Variants in CPEB3 observed in about 807,000 individuals in gnomAD.
The protein encoded by CPEB3 is cytoplasmic polyadenylation element-binding protein 3.
A neutral mutation model predicts 67.2 loss-of-function variants in CPEB3; 20 were observed. That is an observed-to-expected ratio of 0.30 (90% CI 0.21 to 0.43). The LOEUF (loss-of-function observed/expected upper bound fraction) is 0.43. Among genes scored for constraint, CPEB3 ranks in the 20% least tolerant of loss-of-function variants. CPEB3 has a pLI of 1.00. For missense variants in CPEB3, 746 were observed against 968.6 expected, an observed-to-expected ratio of 0.77 and a Z score of 3.05; for synonymous variants, 376 against 393.1, an observed-to-expected ratio of 0.96 and a Z score of 0.51.
intron 4 of CPEB3, among the ~76,000 whole-genome samples, chr10:92,150,256 CTTT>C (rs1191378027): frequency 6.9e-6 from 1 of 144,270 alleles, no homozygotes; most frequent in Non-Finnish European, 1.5e-5. Flanking sequence ...CTCTCTCTCT[CTTT>C]TTTTTTTTTT....
chr10:92,289,732 A>AATATATATATATAT (rs71025390), intron 1 of CPEB3, among the ~76,000 whole-genome samples: 5 of 75,770 alleles, frequency 6.6e-5, no homozygotes, highest in African/African-American at 1.5e-4. Context: ...AAAAAAAAAA[A>AATATATATATATAT]ATATATATAT....
intron 1 of CPEB3, among the ~76,000 whole-genome samples, chr10:92,283,722 C>CTTTTT (rs869248048): frequency 4.6e-3 from 501 of 108,886 alleles, no homozygotes; most frequent in Non-Finnish European, 7.0e-3. Context: ...CTTTTTCTTT[C>CTTTTT]TTTTTTTTTT....
intron 6 of CPEB3, among the ~76,000 whole-genome samples, chr10:92,116,161 G>A (rs1228480825): frequency 1.3e-5 from 2 of 150,728 alleles, no homozygotes; most frequent in African/African-American, 4.9e-5. Context: ...GTCTCACAGT[G>A]TGTACTTATG....
chr10:92,280,262 T>C (rs542025828), intron 1 of CPEB3, among the ~76,000 whole-genome samples: 2 of 143,126 alleles, frequency 1.4e-5, no homozygotes, highest in African/African-American at 2.7e-5. Context: ...GGAGAATCAC[T>C]TGAACCCAGG....
At chr10:92,267,192 A>AT (rs1409776119) in intron 1 of CPEB3, among the ~76,000 whole-genome samples, 1 of 152,126 alleles carries the variant, frequency 6.6e-6, no homozygotes, top group Admixed American at 6.5e-5. Flanking sequence ...GGGTTGGCAA[A>AT]TTTTTTCTGT....
At chr10:92,224,308 A>G (rs1476173403) in intron 2 of CPEB3, among the ~76,000 whole-genome samples, 1 of 152,224 alleles carries the variant, frequency 6.6e-6, no homozygotes, top group East Asian at 1.9e-4. Flanking sequence ...TCATTCTAAA[A>G]CAAAAATGTG....
intron 2 of CPEB3, chr10:92,216,603 A>G (rs1850413175): frequency 6.2e-7 from 1 of 1,610,464 alleles, no homozygotes; most frequent in African/African-American, 1.3e-5. Flanking sequence ...ATTGAGGTAT[A>G]CTGCCATCTC....
chr10:92,149,085 G>T (rs1191639031), intron 4 of CPEB3, among the ~76,000 whole-genome samples: 1 of 152,082 alleles, frequency 6.6e-6, no homozygotes, highest in Non-Finnish European at 1.5e-5. Flanking sequence ...ATTTTTAGTA[G>T]AGACAAGGTT....
chr10:92,238,908 T>C (rs981921529), intron 2 of CPEB3, among the ~76,000 whole-genome samples: 1 of 152,190 alleles, frequency 6.6e-6, no homozygotes, highest in Non-Finnish European at 1.5e-5. Context: ...TCAGGGTGGT[T>C]TGGGTGTGGA....
intron 1 of CPEB3, among the ~76,000 whole-genome samples, chr10:92,264,638 C>T (rs967347120): frequency 6.6e-6 from 1 of 151,844 alleles, no homozygotes; most frequent in Non-Finnish European, 1.5e-5. Context: ...ATTGCTTGAA[C>T]CCGGGAGGCA....
chr10:92,202,889 C>A (rs1318933383), intron 2 of CPEB3, among the ~76,000 whole-genome samples: 2 of 151,398 alleles, frequency 1.3e-5, no homozygotes, highest in Non-Finnish European at 2.9e-5. Context: ...TGAATTATAT[C>A]TCAATAAATC....
intron 1 of CPEB3, among the ~76,000 whole-genome samples, chr10:92,281,281 G>A (rs1842285382): frequency 6.6e-6 from 1 of 151,570 alleles, no homozygotes; most frequent in South Asian, 2.1e-4. Flanking sequence ...GGTTGGTAGA[G>A]ACACAATCTC....
At chr10:92,052,649 C>A (rs1162289258) in intron 9 of CPEB3, among the ~76,000 whole-genome samples, 1 of 152,176 alleles carries the variant, frequency 6.6e-6, no homozygotes, top group Non-Finnish European at 1.5e-5. Flanking sequence ...TTCTTAAAAT[C>A]TCTGTGCCTC....
intron 2 of CPEB3, among the ~76,000 whole-genome samples, chr10:92,235,685 T>C (rs1327322781): frequency 6.6e-6 from 1 of 152,236 alleles, no homozygotes. Flanking sequence ...TTGTTTATGA[T>C]TACAAAGCCA....
intron 1 of CPEB3, among the ~76,000 whole-genome samples, chr10:92,274,145 GA>G (rs1315873798): frequency 6.6e-6 from 1 of 152,102 alleles, no homozygotes; most frequent in Non-Finnish European, 1.5e-5. Context: ...TCTCATCTAT[GA>G]AATGAAAGAC....
At position 92,239,229 on chromosome 10, in the gene CPEB3, G is replaced by A; in HGVS notation, c.1005+117C>T. The A allele has an allele frequency of 8.7e-7, 1 of 1,150,254 alleles. No homozygotes were observed. Among genetic ancestry groups the A allele is most frequent in the South Asian group, 1.5e-5 (1 of 66,366 alleles). 71.3% of individuals were successfully genotyped at this position (1,150,254 alleles called of 1,614,324 possible). Reference sequence around the variant, plus strand: ...GAACTGGAGGCTTCGGAAGGGGAAAGAGGAGCTGGACATTGCTGCCCTTTT... The same window carrying A: ...GAACTGGAGGCTTCGGAAGGGGAAAAAGGAGCTGGACATTGCTGCCCTTTT... On this transcript the variant is annotated intron_variant, in intron 2 of 9. Transcript: ENST00000265997. The surrounding 1 kb of genome is among the most constrained non-coding windows in gnomAD (Gnocchi z 6.0).
intron 1 of CPEB3, among the ~76,000 whole-genome samples, chr10:92,269,133 G>T (rs1853190902): frequency 1.3e-5 from 2 of 151,808 alleles, no homozygotes; most frequent in Admixed American, 1.3e-4. Flanking sequence ...CACAACCTTG[G>T]GCAAGACAGT....
intron 4 of CPEB3, among the ~76,000 whole-genome samples, chr10:92,154,476 G>T (rs1217484353): frequency 6.6e-6 from 1 of 152,088 alleles, no homozygotes; most frequent in African/African-American, 2.4e-5. Context: ...TACCTTCAAT[G>T]TCCTCATCCA....
intron 9 of CPEB3, among the ~76,000 whole-genome samples, chr10:92,070,057 G>A (rs1002129746): frequency 1.1e-4 from 16 of 152,292 alleles, no homozygotes; most frequent in Non-Finnish European, 2.1e-4. Context: ...AAGAGAAAGG[G>A]AAAAACAATC....
Sources: gnomAD v4.1 joint callset for allele counts (sites outside exome capture counted in the v4.1 genomes callset) on GRCh38, gnomAD v4.1.1 for gene constraint, Gnocchi (gnomAD v3.1) non-coding constraint, MANE v1.5 for transcripts, NCBI Gene and HGNC (gene_info 2026-07-23, HGNC 2026-07-21) for gene names.